The following ANKRD44 variants were observed in gnomAD, a reference collection of about 807,000 sequenced individuals.
ANKRD44 encodes the protein ankyrin repeat domain 44.
Under a neutral mutation model 116.0 loss-of-function variants are expected in ANKRD44, and 35 were observed. The observed-to-expected ratio is 0.30, with a 90% CI of 0.23 to 0.40. ANKRD44 has a LOEUF of 0.40. ANKRD44 is among the 10% of genes least tolerant of loss of function. The pLI is 1.00. For synonymous variants in ANKRD44, 435 were observed against 461.8 expected (o/e 0.94, Z 0.74); for missense variants, 1,014 against 1,242.6 (o/e 0.82, Z 2.77).
chr2:196,993,591 T>A lies in ANKRD44; in HGVS notation c.2915A>T (p.Asp972Val). The change falls in exon 27 of 28, where the codon GAT (aspartate) becomes GTT (valine). Residue 972 changes from aspartate to valine, a missense_variant. Transcript: ENST00000282272. ...TGACTTTTTCCACTTACCATTTTCA[T>A]CTACAGCAAGTACACAGGCCCCTTT... ...LAKGACVLAV[D>V]ENASRSNGPR... The A allele has an allele frequency of 1.9e-6, 3 of 1,550,808 alleles. No homozygotes were observed. Among genetic ancestry groups the A allele is most frequent in the Non-Finnish European group, 2.6e-6 (3 of 1,146,926 alleles).
intron 1 of ANKRD44, among the ~76,000 whole-genome samples, chr2:197,306,677 T>C (rs1436689188): frequency 1.3e-5 from 2 of 152,116 alleles, no homozygotes; most frequent in African/African-American, 2.4e-5. Context: ...CCCAGTAAAA[T>C]ATGTAACACG....
At chr2:197,277,261 A>G (rs2083119480) in intron 1 of ANKRD44, among the ~76,000 whole-genome samples, 1 of 152,074 alleles carries the variant, frequency 6.6e-6, no homozygotes, top group South Asian at 2.1e-4. Flanking sequence ...AGTATAGAGG[A>G]CACGGAGTGC....
At chr2:196,983,541 C>G (rs1163178838), downstream of ANKRD44, among the ~76,000 whole-genome samples, 2 of 152,132 alleles carry the variant, frequency 1.3e-5, no homozygotes. Context: ...GTTAGTAATT[C>G]TTAGGAACCC....
At chr2:197,239,895 GCTT>G (rs747879594) in intron 1 of ANKRD44, among the ~76,000 whole-genome samples, 10 of 152,078 alleles carry the variant, frequency 6.6e-5, no homozygotes, top group Non-Finnish European at 1.3e-4. Context: ...CAACCAATCT[GCTT>G]CTTCTCAAAT....
intron 4 of ANKRD44, among the ~76,000 whole-genome samples, chr2:197,128,513 G>A (rs1160161768): frequency 2.0e-5 from 3 of 152,160 alleles, no homozygotes; most frequent in Non-Finnish European, 2.9e-5. Flanking sequence ...ATTTGTGTAA[G>A]TTCCTTGTAG....
intron 2 of ANKRD44, among the ~76,000 whole-genome samples, chr2:197,184,728 T>C (rs1258920660): frequency 6.6e-6 from 1 of 151,644 alleles, no homozygotes; most frequent in African/African-American, 2.4e-5. Context: ...ACAACCCCTG[T>C]GGTGATCTTA....
downstream of ANKRD44, among the ~76,000 whole-genome samples, chr2:196,981,867 A>T (rs2075803078): frequency 6.6e-6 from 1 of 151,810 alleles, no homozygotes; most frequent in Non-Finnish European, 1.5e-5. Context: ...GACTTCCCAG[A>T]AGCAATTGAG....
chr2:197,228,022 T>C (rs985441766), intron 1 of ANKRD44, among the ~76,000 whole-genome samples: 6 of 152,220 alleles, frequency 3.9e-5, no homozygotes, highest in Non-Finnish European at 8.8e-5. Flanking sequence ...AGCAATATAA[T>C]AGCATGCTTA....
intron 12 of ANKRD44, 143 bp from the exon 13 acceptor site, chr2:197,086,891 C>T (rs893402): frequency 0.95 from 579,546 of 612,664 alleles, 274,888 homozygotes; most frequent in East Asian, 1. Flanking sequence ...CCTGAACATA[C>T]TAGAGTAATG....
intron 2 of ANKRD44, among the ~76,000 whole-genome samples, chr2:197,171,948 C>G (rs1032712837): frequency 6.6e-6 from 1 of 151,190 alleles, no homozygotes; most frequent in Admixed American, 6.6e-5. Context: ...AAAACAATTG[C>G]CTAAGTCAAA....
intron 16 of ANKRD44, among the ~76,000 whole-genome samples, chr2:197,065,060 A>T (rs1184911604): frequency 4.6e-5 from 7 of 152,160 alleles, no homozygotes; most frequent in Admixed American, 4.6e-4. Context: ...GAAGTAAAGC[A>T]CTCCTCAGCA....
intron 1 of ANKRD44, among the ~76,000 whole-genome samples, chr2:197,307,167 T>G (rs1472445277): frequency 6.6e-6 from 1 of 152,242 alleles, no homozygotes; most frequent in African/African-American, 2.4e-5. Context: ...TCAAATGCCT[T>G]AGATCTGTAT....
chr2:197,050,034 C>A (rs7575709), intron 16 of ANKRD44, among the ~76,000 whole-genome samples: 89,547 of 151,994 alleles, frequency 0.59, 29,175 homozygotes, highest in East Asian at 0.84. Context: ...ACAGGCTGTA[C>A]AAGAAGCATG....
intron 17 of ANKRD44, chr2:197,015,445 C>A: frequency 3.9e-6 from 2 of 511,732 alleles, no homozygotes; most frequent in South Asian, 2.1e-5. Context: ...CATTCAGAAA[C>A]ACCACAATAT....
intron 1 of ANKRD44, among the ~76,000 whole-genome samples, chr2:197,302,826 C>A (rs749032026): frequency 2.6e-5 from 4 of 152,182 alleles, no homozygotes; most frequent in African/African-American, 4.8e-5. Flanking sequence ...TCTGGGCCAA[C>A]CCTTCAGAAA....
intron 1 of ANKRD44, among the ~76,000 whole-genome samples, chr2:197,220,680 C>A (rs1276922672): frequency 6.6e-6 from 1 of 152,142 alleles, no homozygotes; most frequent in Non-Finnish European, 1.5e-5. Flanking sequence ...TCAGCTAAAG[C>A]ATTTAGTTTG....
At chr2:197,263,293 C>T in intron 1 of ANKRD44, 1 of 649,912 alleles carries the variant, frequency 1.5e-6, no homozygotes. Context: ...GCTTGGAAAG[C>T]AGCGCCATTT....
At chr2:197,198,831 C>G (rs2081024901) in intron 1 of ANKRD44, 1 of 140,236 alleles carries the variant, frequency 7.1e-6, no homozygotes, top group South Asian at 2.1e-4. Flanking sequence ...AAATGTAAAT[C>G]TAGCTCCACC....
At chr2:197,063,337 A>C (rs1196333739) in intron 16 of ANKRD44, among the ~76,000 whole-genome samples, 1 of 151,734 alleles carries the variant, frequency 6.6e-6, no homozygotes, top group Non-Finnish European at 1.5e-5. Context: ...GGTAGATAAA[A>C]CCACAAAGAT....
Sources: allele counts gnomAD v4.1 joint callset (sites outside exome capture counted in the v4.1 genomes callset), GRCh38; gene constraint gnomAD v4.1.1; transcripts MANE v1.5; gene names NCBI Gene and HGNC (gene_info 2026-07-23, HGNC 2026-07-21).